The following LRRCC1 variants were observed in gnomAD, a reference collection of about 807,000 sequenced individuals.
The protein encoded by LRRCC1 is leucine-rich repeat and coiled-coil domain-containing protein 1.
A neutral mutation model predicts 126.0 loss-of-function variants in LRRCC1; 115 were observed. The ratio of observed to expected loss-of-function variants is 0.91; its 90% confidence interval spans 0.78 to 1.07. LRRCC1 has a LOEUF of 1.07. Ranked by LOEUF, LRRCC1 falls within the 50% of genes least tolerant of loss-of-function variation. The pLI is 0.00. For missense variants in LRRCC1, 1,172 were observed against 1,175.7 expected (o/e 1.00, Z 0.05); for synonymous variants, 400 against 393.4 (o/e 1.02, Z -0.20).
chr8:85,145,715 G>C lies in LRRCC1; in HGVS notation c.*204G>C, dbSNP rs964140923. 15 of 327,362 alleles carry C rather than the reference G, an allele frequency of 4.6e-5. No homozygotes were observed. The highest frequency in any genetic ancestry group is 8.2e-5 in the Non-Finnish European group (15 of 182,850). The allele number at this position is 327,362 out of a possible 1,614,324, so 20.3% of individuals were successfully genotyped here. ...AAATTGTTGACAATTTTGTCTATTA[G>C]AAAAAACTATCATAACTAGACTTAC... On this transcript the variant is annotated 3_prime_UTR_variant, in exon 19 of 19. Coordinates refer to ENST00000360375, the MANE Select transcript of LRRCC1 (RefSeq NM_033402.5).
chr8:85,134,181 T>C (rs1479246786), intron 12 of LRRCC1, among the ~76,000 whole-genome samples: 1 of 152,168 alleles, frequency 6.6e-6, no homozygotes, highest in Non-Finnish European at 1.5e-5. Context: ...TTCACACACT[T>C]CACATCCTTC....
chr8:85,123,279 T>A (rs1327601347), intron 6 of LRRCC1, 134 bp from the exon 7 acceptor site: 2 of 592,988 alleles, frequency 3.4e-6, no homozygotes, highest in Non-Finnish European at 5.7e-6. Flanking sequence ...CTGAATTCCC[T>A]GTCTTTAATA....
At chr8:85,112,099 T>C (rs766778055) in intron 3 of LRRCC1, among the ~76,000 whole-genome samples, 32 of 152,098 alleles carry the variant, frequency 2.1e-4, no homozygotes, top group Non-Finnish European at 4.0e-4. Context: ...TGGCCTCAAG[T>C]GATCTGCCCA....
At chr8:85,131,608 C>A in intron 11 of LRRCC1, 152 bp from the exon 12 acceptor site, 1 of 587,090 alleles carries the variant, frequency 1.7e-6, no homozygotes, top group Non-Finnish European at 3.0e-6. Context: ...TTATTTGTAC[C>A]TATCTATGCC....
chr8:85,126,660 G>C, intron 8 of LRRCC1, 29 bp from the exon 9 acceptor site: 1 of 1,591,166 alleles, frequency 6.3e-7, no homozygotes, highest in Non-Finnish European at 8.5e-7. Context: ...ACTTTTCTAA[G>C]TTCACATAAC....
chr8:85,120,802 C>G (rs1809493231), intron 6 of LRRCC1, among the ~76,000 whole-genome samples: 1 of 152,064 alleles, frequency 6.6e-6, no homozygotes, highest in Non-Finnish European at 1.5e-5. Flanking sequence ...TTTTTATTAC[C>G]AAATAATTAT....
intron 1 of LRRCC1, chr8:85,107,699 C>T (rs1369488598): frequency 1.6e-5 from 4 of 252,440 alleles, no homozygotes; most frequent in Non-Finnish European, 3.0e-5. Flanking sequence ...TTTCCTTCTG[C>T]TGGTTTTCCT....
intron 6 of LRRCC1, among the ~76,000 whole-genome samples, chr8:85,119,703 G>A (rs1809387406): frequency 6.6e-6 from 1 of 151,812 alleles, no homozygotes; most frequent in African/African-American, 2.4e-5. Context: ...TCACCGTGTT[G>A]CCCAGGCTGG....
chr8:85,117,142 C>T (rs1194730010), intron 6 of LRRCC1, among the ~76,000 whole-genome samples: 1 of 152,092 alleles, frequency 6.6e-6, no homozygotes, highest in Admixed American at 6.6e-5. Flanking sequence ...CTCATGACAG[C>T]CCAATCAAGT....
Position 85,124,878 on chromosome 8 carries a change from A to G in LRRCC1, c.1211A>G (p.Glu404Gly), listed in dbSNP as rs1433676802. The G allele has an allele frequency of 6.2e-7, 1 of 1,608,792 alleles. No homozygotes were observed. The highest frequency in any genetic ancestry group is 1.1e-5 in the South Asian group (1 of 90,334). ...LANCPMLQES[E>G]KPKTEIIKVD... ...AACTGTCCTATGTTACAAGAATCAGAAAAGCCAAAGACTGAAATAATTAAA... is the reference window on the plus strand; with the variant it reads ...AACTGTCCTATGTTACAAGAATCAGGAAAGCCAAAGACTGAAATAATTAAA... Residue 404 changes from glutamate (E) to glycine (G), a missense_variant, in exon 8 of 19, where the codon GAA becomes GGA. Coordinates refer to ENST00000360375, the MANE Select transcript of LRRCC1 (RefSeq NM_033402.5).
intron 10 of LRRCC1, 127 bp from the exon 11 acceptor site, chr8:85,129,792 T>G: frequency 1.4e-6 from 1 of 691,896 alleles, no homozygotes; most frequent in Non-Finnish European, 2.3e-6. Context: ...ACATCATTAA[T>G]TTATTAAAGT....
rs188455973 is a variant in LRRCC1, at chr8:85,121,463, C to T, written c.931-1950C>T. Among the ~76,000 whole-genome samples the T allele has an allele frequency of 6.6e-5, 10 of 151,160 alleles. No homozygotes were observed. In the East Asian group the frequency reaches 1.6e-3, roughly 24 times the overall value. ...TTTTGTTTTGTTTTGTTTTTTGAGA[C>T]GGAGTTTCATTCTTGTTGCCCAGGC... On this transcript the variant is annotated intron_variant, in intron 6 of 18. Coordinates refer to ENST00000360375, the MANE Select transcript of LRRCC1 (RefSeq NM_033402.5).
intron 14 of LRRCC1, among the ~76,000 whole-genome samples, chr8:85,136,439 T>G (rs539628872): frequency 6.6e-6 from 1 of 152,176 alleles, no homozygotes; most frequent in African/African-American, 2.4e-5. Context: ...CACACCTGGC[T>G]AATTTTTGTA....
Position 85,129,918 on chromosome 8 carries a change from G to A in LRRCC1, c.1627-1G>A. 1.3e-6 allele frequency: 2 copies of A among 1,563,472 alleles called. No individual in the cohort carries two copies. The highest frequency in any genetic ancestry group is 1.7e-6 in the Non-Finnish European group (2 of 1,161,806). On this transcript the variant is annotated splice_acceptor_variant, in intron 10 of 18. Coordinates refer to ENST00000360375, the MANE Select transcript of LRRCC1 (RefSeq NM_033402.5). LOFTEE classifies it high-confidence loss of function. ...AATGTAATTGTGGGTATTTTACTCAGATAAGACTGATCCAAGAGGTGGAAC... is the reference window on the plus strand; with the variant it reads ...AATGTAATTGTGGGTATTTTACTCAAATAAGACTGATCCAAGAGGTGGAAC...
At chr8:85,130,770 A>C (rs1372503669) in intron 11 of LRRCC1, among the ~76,000 whole-genome samples, 1 of 152,218 alleles carries the variant, frequency 6.6e-6, no homozygotes, top group Non-Finnish European at 1.5e-5. Flanking sequence ...TTTTCTGTAA[A>C]GGGTCACATA....
chr8:85,124,825 A>G lies in LRRCC1; in HGVS notation c.1158A>G (p.Lys386=). 2.5e-6 allele frequency: 4 copies of G among 1,580,014 alleles called. No homozygotes were observed. The highest frequency in any genetic ancestry group is 3.4e-6 in the Non-Finnish European group (4 of 1,161,050). ...GTAAAATGAAACCACCTTACCTTAAAGAATTATATGTAAGCTCATCTTTAG... is the reference window on the plus strand; with the variant it reads ...GTAAAATGAAACCACCTTACCTTAAGGAATTATATGTAAGCTCATCTTTAG... The part of the protein sequence containing the change: ...CNRKMKPPYL[K]ELYVSSSLAN... Residue 386 remains lysine (K), a synonymous_variant, in exon 8 of 19, where the codon AAA becomes AAG. Transcript: ENST00000360375.
intron 4 of LRRCC1, among the ~76,000 whole-genome samples, 186 bp from the exon 5 acceptor site, chr8:85,114,914 T>C (rs148414384): frequency 4.1e-4 from 62 of 152,268 alleles, no homozygotes; most frequent in South Asian, 2.7e-3. Flanking sequence ...AGAAGTGTTT[T>C]GTTTCTTTTG....
intron 6 of LRRCC1, among the ~76,000 whole-genome samples, chr8:85,117,650 T>C (rs967709003): frequency 6.6e-6 from 1 of 152,178 alleles, no homozygotes; most frequent in Non-Finnish European, 1.5e-5. Context: ...GTTTTGCCTT[T>C]ATTTTAGTTT....
intron 6 of LRRCC1, among the ~76,000 whole-genome samples, chr8:85,119,818 C>T (rs1809403398): frequency 6.6e-6 from 1 of 152,056 alleles, no homozygotes; most frequent in Admixed American, 6.6e-5. Context: ...AATATAAGTA[C>T]TTAGGTCATC....
Sources: allele counts gnomAD v4.1 joint callset (sites outside exome capture counted in the v4.1 genomes callset), GRCh38; gene constraint gnomAD v4.1.1; transcripts MANE v1.5; gene names NCBI Gene and HGNC (gene_info 2026-07-23, HGNC 2026-07-21).